Variants in CFH observed in about 807,000 individuals in gnomAD.
The protein encoded by CFH is complement factor H, also known as H factor 1 (complement).
CFH carries 53 observed loss-of-function variants against 147.3 expected under a neutral mutation model. The observed-to-expected ratio is 0.36, with a 90% confidence interval of 0.29 to 0.45. The LOEUF is 0.45. Ranked by LOEUF, CFH falls within the 20% of genes least tolerant of loss-of-function variation. The pLI, the probability that CFH is intolerant of heterozygous loss-of-function variation, is 1.00. For synonymous variants in CFH, 536 were observed against 489.4 expected (o/e 1.10, Z -1.26); for missense variants, 1,380 against 1,498.0 (o/e 0.92, Z 1.30).
Position 196,679,650 on chromosome 1 carries a change from T to A in CFH, c.647T>A (p.Ile216Lys), listed in dbSNP as rs183474263. ...ATTTCATGCAAATCCCCAGATGTTA[T>A]AAATGGATCTCCTATATCTCAGAAG... ...VEISCKSPDVINGSPISQKII... is the reference protein window; with the variant it reads ...VEISCKSPDVKNGSPISQKII... The change falls in exon 6 of 22, where the codon ATA becomes AAA. Residue 216 changes from isoleucine to lysine, a missense_variant. By Grantham distance (102) the Ile-to-Lys change is moderately radical (BLOSUM62 -3). This residue lies in a region of CFH where 260 missense variants were observed against 263.3 expected (regional missense o/e 0.99). Transcript: ENST00000367429. 6.2e-7 allele frequency: 1 copy of A among 1,606,798 alleles called. No homozygotes were observed. Among genetic ancestry groups the A allele is most frequent in the Non-Finnish European group, 8.5e-7 (1 of 1,174,504 alleles).
chr1:196,725,998 A>G (rs1167664165), intron 12 of CFH, among the ~76,000 whole-genome samples: 1 of 152,194 alleles, frequency 6.6e-6, no homozygotes, highest in Non-Finnish European at 1.5e-5. Context: ...AAATGTCAAC[A>G]TCCATTCTGG....
chr1:196,658,608 T>C (rs1314981102), intron 1 of CFH, among the ~76,000 whole-genome samples: 1 of 151,930 alleles, frequency 6.6e-6, no homozygotes, highest in Admixed American at 6.6e-5. Context: ...AGACGGAGTT[T>C]CACCGTGTTA....
At chr1:196,737,714 A>T in intron 17 of CFH, 54 bp downstream of exon 17, 1 of 1,441,582 alleles carries the variant, frequency 6.9e-7, no homozygotes. Context: ...CATAAAAATA[A>T]TCTCTTGTTA....
intron 9 of CFH, among the ~76,000 whole-genome samples, chr1:196,704,690 A>C (rs937236156): frequency 8.5e-5 from 13 of 152,320 alleles, no homozygotes; most frequent in Admixed American, 3.3e-4. Context: ...GAGAAAAGGC[A>C]CAGCAATGCA....
chr1:196,672,618 A>C (rs888288455), intron 1 of CFH, among the ~76,000 whole-genome samples: 13 of 152,204 alleles, frequency 8.5e-5, no homozygotes, highest in Non-Finnish European at 1.8e-4. Context: ...TATAACTTAG[A>C]ATAGTGCTCA....
At chr1:196,677,797 C>A in intron 5 of CFH, 130 bp downstream of exon 5, 1 of 870,036 alleles carries the variant, frequency 1.1e-6, no homozygotes, top group South Asian at 1.4e-5. Context: ...TACTATCTGC[C>A]TGTAATTGAG....
At chr1:196,735,867 G>A (rs70620) in intron 15 of CFH, among the ~76,000 whole-genome samples, 35,346 of 151,888 alleles carry the variant, frequency 0.23, 4,788 homozygotes, top group East Asian at 0.48. Flanking sequence ...ATGAAGTTTT[G>A]TTCATCCAAA....
intron 9 of CFH, chr1:196,700,851 C>T (rs985080651): frequency 1.0e-6 from 1 of 985,246 alleles, no homozygotes; most frequent in Non-Finnish European, 1.2e-6. Flanking sequence ...CAGCACACAA[C>T]CTTGTCTGCA....
At chr1:196,675,293 T>TA (rs1297673739) in intron 3 of CFH, among the ~76,000 whole-genome samples, 2 of 152,150 alleles carry the variant, frequency 1.3e-5, no homozygotes, top group Non-Finnish European at 2.9e-5. Context: ...TTACTAAAAT[T>TA]ACTTAAGTTC....
At chr1:196,657,491 C>A (rs992655601) in intron 1 of CFH, among the ~76,000 whole-genome samples, 1 of 152,056 alleles carries the variant, frequency 6.6e-6, no homozygotes, top group African/African-American at 2.4e-5. Flanking sequence ...ACTGACTTTT[C>A]GTACATGCGG....
At chr1:196,730,549 T>A (rs1669258336) in intron 15 of CFH, among the ~76,000 whole-genome samples, 1 of 151,836 alleles carries the variant, frequency 6.6e-6, no homozygotes, top group Admixed American at 6.6e-5. Context: ...GAATATGTGT[T>A]TTTTTGTTAT....
intron 1 of CFH, among the ~76,000 whole-genome samples, chr1:196,654,475 A>T (rs1175746953): frequency 6.6e-6 from 1 of 152,126 alleles, no homozygotes; most frequent in African/African-American, 2.4e-5. Context: ...ACTGCAGGCT[A>T]CTAAGAATTG....
Position 196,736,796 on chromosome 1 carries a change from C to A in CFH, c.2414-28C>A, listed in dbSNP as rs375046. 657,342 of 1,087,864 alleles carry A rather than the reference C, an allele frequency of 0.6. 203,309 individuals are homozygous for A. Among genetic ancestry groups the A allele is most frequent in the East Asian group, 0.93 (26,713 of 28,588 alleles). The allele number at this position is 1,087,864 out of a possible 1,614,324, so 67.4% of individuals were successfully genotyped here. ...TTTTATTTTTTATTTTTTATTATAA[C>A]ATTAATTATATTTTTAATATTTTTT... On this transcript the variant is annotated intron_variant, in intron 15 of 21. Coordinates refer to ENST00000367429, the MANE Select transcript of CFH (RefSeq NM_000186.4).
chr1:196,726,729 C>T (rs1286697202), intron 13 of CFH, 32 bp from the exon 14 acceptor site: 1 of 1,610,622 alleles, frequency 6.2e-7, no homozygotes, highest in Admixed American at 1.7e-5. Context: ...ATCATGTTTT[C>T]ACAATAAACT....
intron 4 of CFH, 66 bp from the exon 5 acceptor site, chr1:196,677,410 A>G: frequency 7.1e-7 from 1 of 1,403,784 alleles, no homozygotes; most frequent in Non-Finnish European, 1.0e-6. Context: ...GATTTTATAC[A>G]TACACATATT....
At chr1:196,675,417 CA>C (rs1558155485) in intron 3 of CFH, among the ~76,000 whole-genome samples, 1 of 152,088 alleles carries the variant, frequency 6.6e-6, no homozygotes, top group Non-Finnish European at 1.5e-5. Context: ...CACACACTAA[CA>C]ACTTTTGGCT....
chr1:196,733,571 A>T (rs1443015990), intron 15 of CFH, among the ~76,000 whole-genome samples: 1 of 152,138 alleles, frequency 6.6e-6, no homozygotes, highest in Non-Finnish European at 1.5e-5. Context: ...CTCTTGGGCA[A>T]TGAAGCTCCT....
intron 1 of CFH, among the ~76,000 whole-genome samples, chr1:196,664,767 A>G (rs893077705): frequency 3.3e-5 from 5 of 152,174 alleles, no homozygotes; most frequent in Non-Finnish European, 7.4e-5. Flanking sequence ...GACAATTTTC[A>G]TAAATATTCT....
At chr1:196,710,782 T>A (rs903211734) in intron 9 of CFH, among the ~76,000 whole-genome samples, 4 of 151,824 alleles carry the variant, frequency 2.6e-5, no homozygotes, top group Non-Finnish European at 5.9e-5. Flanking sequence ...TACCCTAGTT[T>A]TTTTTATTTT....
Sources: allele counts gnomAD v4.1 joint callset (sites outside exome capture counted in the v4.1 genomes callset), GRCh38; gene constraint gnomAD v4.1.1; regional missense constraint gnomAD v4.1.1; transcripts MANE v1.5; gene names NCBI Gene and HGNC (gene_info 2026-07-23, HGNC 2026-07-21).